The following PRR5 variants were observed in gnomAD, a reference collection of about 807,000 sequenced individuals.
PRR5 encodes proline rich 5.
In PRR5, 25 loss-of-function variants were observed where a neutral mutation model predicts 30.6. That is an observed-to-expected ratio of 0.82 (90% CI 0.60 to 1.14). PRR5 has a LOEUF of 1.14. Ranked by LOEUF, PRR5 falls within the 50% of genes most tolerant of loss-of-function variation. PRR5 has a pLI of 0.00. For missense variants in PRR5, 600 were observed against 547.1 expected, an observed-to-expected ratio of 1.10 and a Z score of -0.96; for synonymous variants, 286 against 247.1, an observed-to-expected ratio of 1.16 and a Z score of -1.48.
At chr22:44,702,166 C>A, upstream of PRR5, 2 of 795,712 alleles carry the variant, frequency 2.5e-6, no homozygotes. Context: ...CCCGGGGCGC[C>A]GAGACCCGCC....
At chr22:44,679,800 A>G in intron 1 of PRR5, 1 of 1,597,590 alleles carries the variant, frequency 6.3e-7, no homozygotes. Context: ...ACATAGAGCC[A>G]TGGTGTGTTT....
At chr22:44,693,762 T>C (rs1443226476) in intron 1 of PRR5, among the ~76,000 whole-genome samples, 2 of 149,044 alleles carry the variant, frequency 1.3e-5, no homozygotes, top group Non-Finnish European at 3.0e-5. Context: ...TACAAGTAGC[T>C]GGGACTACAG....
intron 1 of PRR5, among the ~76,000 whole-genome samples, chr22:44,714,269 G>T (rs1928716458): frequency 6.6e-6 from 1 of 152,190 alleles, no homozygotes; most frequent in Non-Finnish European, 1.5e-5. Flanking sequence ...AGGCGCAGGG[G>T]TTTCCTGGTT....
rs1926506732 is a variant in PRR5 at position 44,702,614 on chromosome 22, G to A, written c.134+6G>A. 7.7e-7 allele frequency: 1 copy of A among 1,299,408 alleles called. No homozygotes were observed. Among genetic ancestry groups the A allele is most frequent in the Non-Finnish European group, 9.8e-7 (1 of 1,020,116 alleles). The allele number at this position is 1,299,408 out of a possible 1,614,324, so 80.5% of individuals were successfully genotyped here. Reference sequence around the variant, plus strand: ...GCCAACGCCACCTGGAACAGGTAAGGCCGCGCCCTCCCGGCCACCCGGAGG... The same window carrying A: ...GCCAACGCCACCTGGAACAGGTAAGACCGCGCCCTCCCGGCCACCCGGAGG... On this transcript the variant is annotated splice_donor_region_variant and intron_variant, in intron 1 of 7. Transcript: ENST00000336985.
chr22:44,729,196 G>C, intron 4 of PRR5: 2 of 705,078 alleles, frequency 2.8e-6, no homozygotes, highest in Non-Finnish European at 3.5e-6. Context: ...TGCCTCGGCC[G>C]TCCCCGCGCC....
intron 2 of PRR5, among the ~76,000 whole-genome samples, chr22:44,717,332 C>G (rs1288081089): frequency 6.6e-6 from 1 of 151,590 alleles, no homozygotes; most frequent in Non-Finnish European, 1.5e-5. Flanking sequence ...GCTGGGATTA[C>G]AGGCACACAT....
chr22:44,709,967 A>C (rs978074650), intron 1 of PRR5, among the ~76,000 whole-genome samples: 2 of 151,974 alleles, frequency 1.3e-5, no homozygotes, highest in Admixed American at 6.5e-5. Context: ...GGAAACCCAC[A>C]CACTGAGCTG....
chr22:44,678,091 G>T (rs1923923836), intron 1 of PRR5, among the ~76,000 whole-genome samples: 1 of 152,192 alleles, frequency 6.6e-6, no homozygotes, highest in Admixed American at 6.5e-5. Context: ...TGCAGCAGCT[G>T]TGAGAGGGAG....
chr22:44,676,517 T>G (rs1042896685), upstream of PRR5, among the ~76,000 whole-genome samples: 5 of 148,766 alleles, frequency 3.4e-5, no homozygotes, highest in African/African-American at 1.3e-4. Flanking sequence ...AAATGGAGGA[T>G]CCAGGAATGC....
intron 2 of PRR5, among the ~76,000 whole-genome samples, chr22:44,721,554 T>C (rs763216): frequency 0.59 from 89,901 of 152,090 alleles, 27,603 homozygotes; most frequent in African/African-American, 0.75. Flanking sequence ...ATCTGCCGTG[T>C]AGAAAAGAGG....
chr22:44,721,546 C>G (rs2147112949), intron 2 of PRR5, among the ~76,000 whole-genome samples: 1 of 152,350 alleles, frequency 6.6e-6, no homozygotes, highest in Non-Finnish European at 1.5e-5. Flanking sequence ...AGTTTTTCAT[C>G]TGCCGTGTAG....
At chr22:44,679,903 G>T in intron 1 of PRR5, 1 of 1,563,136 alleles carries the variant, frequency 6.4e-7, no homozygotes. Flanking sequence ...TGTGCCGAAG[G>T]GTGGCTACGA....
intron 2 of PRR5, among the ~76,000 whole-genome samples, chr22:44,721,511 T>A (rs1242938381): frequency 5.3e-5 from 8 of 152,166 alleles, no homozygotes; most frequent in African/African-American, 1.9e-4. Flanking sequence ...CCAATTGTGG[T>A]AGGGGACGAA....
intron 2 of PRR5, 140 bp downstream of exon 2, chr22:44,714,811 G>A (rs558888333): frequency 1.7e-6 from 2 of 1,197,840 alleles, no homozygotes; most frequent in African/African-American, 1.5e-5. Context: ...CAACAGGAGA[G>A]CGAGGCCCAA....
chr22:44,736,535 C>T (rs564829579), intron 7 of PRR5, among the ~76,000 whole-genome samples: 1 of 152,354 alleles, frequency 6.6e-6, no homozygotes, highest in East Asian at 1.9e-4. Context: ...AGGTTCAAAC[C>T]CAGGCATTTG....
intron 1 of PRR5, among the ~76,000 whole-genome samples, chr22:44,707,606 C>T (rs1540327): frequency 0.51 from 76,978 of 152,144 alleles, 21,103 homozygotes; most frequent in African/African-American, 0.69. Flanking sequence ...ATGCCCCAGA[C>T]CCAGAGCAGG....
chr22:44,737,121 C>A lies in PRR5; in HGVS notation c.1041C>A (p.Asn347Lys). 2 of 1,612,524 alleles carry A rather than the reference C, an allele frequency of 1.2e-6. No individual in the cohort carries two copies. Among genetic ancestry groups the A allele is most frequent in the Non-Finnish European group, 1.7e-6 (2 of 1,180,004 alleles). Residue 347 changes from asparagine to lysine, a missense_variant, in exon 8 of 8, where the codon AAC becomes AAA. Transcript: ENST00000336985. ...RSSLPRSSPE[N>K]LVDQILESVD... ...CCCTGCCCCGCTCCAGCCCGGAGAA[C>A]CTGGTGGACCAGATCCTGGAGTCCG...
At chr22:44,715,561 C>T (rs1377829320) in intron 2 of PRR5, among the ~76,000 whole-genome samples, 2 of 152,116 alleles carry the variant, frequency 1.3e-5, no homozygotes, top group Non-Finnish European at 2.9e-5. Context: ...ATCTGGCCCA[C>T]CCCTGGGTGG....
chr22:44,725,684 A>C (rs1219743888), intron 3 of PRR5, among the ~76,000 whole-genome samples: 1 of 147,406 alleles, frequency 6.8e-6, no homozygotes, highest in African/African-American at 2.5e-5. Flanking sequence ...GTTGTTGTTG[A>C]GATGGAGTCT....
Sources: gnomAD v4.1 joint callset for allele counts (sites outside exome capture counted in the v4.1 genomes callset) on GRCh38, gnomAD v4.1.1 for gene constraint, MANE v1.5 for transcripts, NCBI Gene and HGNC (gene_info 2026-07-23, HGNC 2026-07-21) for gene names.